Variants in THSD4 observed in about 807,000 individuals in gnomAD.
THSD4 encodes the protein thrombospondin type-1 domain-containing protein 4.
A neutral mutation model predicts 119.0 loss-of-function variants in THSD4; 69 were observed. The observed-to-expected ratio is 0.58, with a 90% confidence interval of 0.48 to 0.71. The LOEUF (loss-of-function observed/expected upper bound fraction) is 0.71, where lower values mean the gene tolerates loss of function less well. Ranked by LOEUF, THSD4 falls within the 30% of genes least tolerant of loss-of-function variation. The pLI is 0.00. For missense variants in THSD4, 1,393 were observed against 1,391.1 expected, an observed-to-expected ratio of 1.00 and a Z score of -0.02; for synonymous variants, 524 against 540.4, an observed-to-expected ratio of 0.97 and a Z score of 0.42.
rs2043895851 is a variant in THSD4, at chr15:71,212,495, T to C, written c.100-2540T>C. Among the ~76,000 whole-genome samples, 4 of 152,240 alleles carry C rather than the reference T, an allele frequency of 2.6e-5. No homozygotes were observed. In the South Asian group the frequency reaches 8.3e-4, roughly 32 times the overall value. On this transcript the variant is annotated intron_variant, in intron 3 of 17. Coordinates refer to ENST00000261862, the MANE Select transcript of THSD4 (RefSeq NM_024817.3). ...AGTATTATAGGCAGTGTCTTAGTTATCTGTGTTAATGAGAGATCAGGAGGC... is the reference window on the plus strand; with the variant it reads ...AGTATTATAGGCAGTGTCTTAGTTACCTGTGTTAATGAGAGATCAGGAGGC...
At chr15:71,601,589 A>G (rs1016548940) in intron 7 of THSD4, among the ~76,000 whole-genome samples, 1 of 152,220 alleles carries the variant, frequency 6.6e-6, no homozygotes, top group African/African-American at 2.4e-5. Context: ...TGTCAAACTC[A>G]TTAAGAGCGT....
chr15:71,217,283 G>A (rs994828027), intron 4 of THSD4, among the ~76,000 whole-genome samples: 2 of 152,112 alleles, frequency 1.3e-5, no homozygotes, highest in Non-Finnish European at 2.9e-5. Context: ...TCACCAAGCA[G>A]GATACAACAA....
At chr15:71,484,634 G>A (rs2047787061) in intron 7 of THSD4, among the ~76,000 whole-genome samples, 1 of 152,150 alleles carries the variant, frequency 6.6e-6, no homozygotes, top group African/African-American at 2.4e-5. Context: ...AAGGTTCAAA[G>A]TCGGGGGCTG....
At chr15:71,629,677 A>G (rs1475311697) in intron 7 of THSD4, among the ~76,000 whole-genome samples, 1 of 151,890 alleles carries the variant, frequency 6.6e-6, no homozygotes, top group African/African-American at 2.4e-5. Flanking sequence ...CTACCTCCCC[A>G]CACCCCACTC....
At chr15:71,303,634 T>C (rs1030423048) in intron 6 of THSD4, among the ~76,000 whole-genome samples, 1 of 152,174 alleles carries the variant, frequency 6.6e-6, no homozygotes, top group Non-Finnish European at 1.5e-5. Context: ...CAGCTTACTA[T>C]TGATACCATT....
chr15:71,462,349 G>T (rs568724521), intron 7 of THSD4, among the ~76,000 whole-genome samples: 1 of 152,150 alleles, frequency 6.6e-6, no homozygotes, highest in Non-Finnish European at 1.5e-5. Context: ...TAGAGATGAG[G>T]TCTCCTTGTG....
At chr15:71,469,326 G>T (rs1442863729) in intron 7 of THSD4, among the ~76,000 whole-genome samples, 3 of 152,194 alleles carry the variant, frequency 2.0e-5, no homozygotes, top group African/African-American at 7.2e-5. Context: ...CACAGGACTG[G>T]TTTCCACACA....
rs189208445 is a variant in THSD4 at position 71,364,604 on chromosome 15, G to A, written c.1016-47083G>A. On this transcript the variant is annotated intron_variant, in intron 6 of 17. Transcript: ENST00000261862. ...AGGGGTTCAAGAGGGCTTCATAGACGAGGTGACCTGTGTGTCAATTCCTAA... is the reference window on the plus strand; with the variant it reads ...AGGGGTTCAAGAGGGCTTCATAGACAAGGTGACCTGTGTGTCAATTCCTAA... Among the ~76,000 whole-genome samples, 353 of 152,340 alleles carry A rather than the reference G, an allele frequency of 2.3e-3. 3 individuals carry two copies. Among genetic ancestry groups the A allele is most frequent in the African/African-American group, 8.1e-3 (338 of 41,578 alleles).
intron 8 of THSD4, among the ~76,000 whole-genome samples, chr15:71,666,779 A>G (rs1595845299): frequency 6.6e-6 from 1 of 152,228 alleles, no homozygotes; most frequent in Non-Finnish European, 1.5e-5. Flanking sequence ...CTTGGCTGAT[A>G]TATTTATAGT....
intron 3 of THSD4, chr15:71,164,807 T>G: frequency 6.3e-7 from 1 of 1,591,268 alleles, no homozygotes; most frequent in Non-Finnish European, 8.5e-7. Flanking sequence ...ATCTTCATCT[T>G]CTTCATCTTC....
At chr15:71,228,500 T>TA (rs1426744399) in intron 4 of THSD4, among the ~76,000 whole-genome samples, 2 of 152,246 alleles carry the variant, frequency 1.3e-5, no homozygotes, top group African/African-American at 4.8e-5. Flanking sequence ...GGTACCCTGT[T>TA]ACAGCAGCTA....
At chr15:71,512,762 A>G (rs1342893222) in intron 7 of THSD4, among the ~76,000 whole-genome samples, 1 of 152,186 alleles carries the variant, frequency 6.6e-6, no homozygotes, top group Non-Finnish European at 1.5e-5. Context: ...TAAGAAATAA[A>G]AAGTATCCAG....
intron 12 of THSD4, 106 bp downstream of exon 12, chr15:71,745,341 A>G (rs1567132460): frequency 2.1e-6 from 3 of 1,430,130 alleles, no homozygotes; most frequent in Non-Finnish European, 2.8e-6. Context: ...TGAGTTAGAA[A>G]TACAAGACTT....
At position 71,442,644 on chromosome 15, in the gene THSD4, A is replaced by ATGTGTGTG. The variant is rs1322209972; in HGVS notation, c.1152+30831_1152+30838dup. ...TATATATATATGTATGTGTGTGTAT[A>ATGTGTGTG]TGTGTGTGTGTGTGTGTATATATAT... On this transcript the variant is annotated intron_variant, in intron 7 of 17. Coordinates refer to ENST00000261862, the MANE Select transcript of THSD4 (RefSeq NM_024817.3). 2.8e-3 allele frequency among the ~76,000 whole-genome samples: 108 copies of ATGTGTGTG among 38,410 alleles called. 6 individuals carry two copies. Among genetic ancestry groups the ATGTGTGTG allele is most frequent in the African/African-American group, 9.0e-3 (97 of 10,722 alleles). The allele number at this position is 38,410 out of a possible 152,430, so 25.2% of individuals were successfully genotyped here.
intron 6 of THSD4, among the ~76,000 whole-genome samples, chr15:71,366,495 G>T (rs1016713090): frequency 3.3e-5 from 5 of 152,136 alleles, no homozygotes; most frequent in Non-Finnish European, 7.3e-5. Context: ...GGGCTCTTTT[G>T]AGAGTTCTTC....
intron 7 of THSD4, among the ~76,000 whole-genome samples, chr15:71,542,487 T>C (rs998454181): frequency 6.6e-6 from 1 of 152,104 alleles, no homozygotes; most frequent in African/African-American, 2.4e-5. Context: ...TGAAATAGAA[T>C]ACCCCTGACG....
chr15:71,410,152 A>G (rs2046665941), intron 6 of THSD4, among the ~76,000 whole-genome samples: 1 of 152,142 alleles, frequency 6.6e-6, no homozygotes, highest in South Asian at 2.1e-4. Context: ...GAGAAAGACA[A>G]GGGGGAGAAA....
At chr15:71,275,884 G>GT (rs757640926) in intron 6 of THSD4, among the ~76,000 whole-genome samples, 2 of 152,118 alleles carry the variant, frequency 1.3e-5, no homozygotes, top group Admixed American at 6.5e-5. Flanking sequence ...ATGATTCTAA[G>GT]TTTTCTGAGG....
intron 8 of THSD4, among the ~76,000 whole-genome samples, chr15:71,664,399 T>A (rs2051374902): frequency 6.6e-6 from 1 of 152,226 alleles, no homozygotes; most frequent in African/African-American, 2.4e-5. Context: ...GGTATTTTTT[T>A]AAATAACTGA....
Sources: allele counts gnomAD v4.1 joint callset (sites outside exome capture counted in the v4.1 genomes callset), GRCh38; gene constraint gnomAD v4.1.1; transcripts MANE v1.5; gene names NCBI Gene and HGNC (gene_info 2026-07-23, HGNC 2026-07-21).